RBFOX1: variants seen among roughly 807,000 people sequenced by gnomAD.
RBFOX1 encodes the protein RNA binding fox-1 homolog 1, also known as RNA binding protein fox-1 homolog 1.
In RBFOX1, 8 loss-of-function variants were observed where a neutral mutation model predicts 57.7. That is an observed-to-expected ratio of 0.14 (90% CI 0.08 to 0.25). The LOEUF (loss-of-function observed/expected upper bound fraction) is 0.25. Ranked by LOEUF, RBFOX1 falls within the 10% of genes least tolerant of loss-of-function variation. The pLI, the probability that RBFOX1 is intolerant of heterozygous loss-of-function variation, is 1.00. For missense variants in RBFOX1, 611 were observed against 548.5 expected (o/e 1.11, Z -1.14); for synonymous variants, 326 against 222.4 (o/e 1.47, Z -4.15).
chr16:7,159,222 A>G (rs998540743), intron 4 of RBFOX1, among the ~76,000 whole-genome samples: 3 of 152,206 alleles, frequency 2.0e-5, no homozygotes, highest in South Asian at 2.1e-4. Context: ...GCTGAGTAGT[A>G]TTCTATGGTG....
intron 14 of RBFOX1, among the ~76,000 whole-genome samples, chr16:7,683,539 A>C (rs574623553): frequency 5.9e-5 from 9 of 152,210 alleles, no homozygotes; most frequent in Non-Finnish European, 8.8e-5. Context: ...AGATTAAAGG[A>C]ATTTCCAAGC....
chr16:5,794,761 A>G (rs1567551293), intron 3 of RBFOX1, among the ~76,000 whole-genome samples: 1 of 152,204 alleles, frequency 6.6e-6, no homozygotes, highest in Non-Finnish European at 1.5e-5. Context: ...AAGTGACTGA[A>G]CATTAACATT....
At chr16:6,782,941 T>A (rs2081276256) in intron 3 of RBFOX1, among the ~76,000 whole-genome samples, 1 of 152,144 alleles carries the variant, frequency 6.6e-6, no homozygotes, top group South Asian at 2.1e-4. Flanking sequence ...TATTTACAGT[T>A]CTTATATCCT....
intron 3 of RBFOX1, among the ~76,000 whole-genome samples, chr16:6,809,318 C>T (rs911214341): frequency 8.5e-5 from 13 of 152,130 alleles, no homozygotes; most frequent in Admixed American, 5.2e-4. Flanking sequence ...TTTCTTTAAC[C>T]AGAGGGAAGA....
At chr16:6,246,298 T>G (rs369044884) in intron 1 of RBFOX1, among the ~76,000 whole-genome samples, 7 of 152,158 alleles carry the variant, frequency 4.6e-5, no homozygotes, top group African/African-American at 1.4e-4. Context: ...CAGCTCTTAG[T>G]GGGCTATAGT....
chr16:5,774,395 T>C (rs759538341), intron 3 of RBFOX1, among the ~76,000 whole-genome samples: 1 of 152,248 alleles, frequency 6.6e-6, no homozygotes, highest in Non-Finnish European at 1.5e-5. Flanking sequence ...TAGTTTCACG[T>C]AGATGATTTT....
At chr16:7,089,566 T>G (rs943547310) in intron 4 of RBFOX1, among the ~76,000 whole-genome samples, 2 of 152,086 alleles carry the variant, frequency 1.3e-5, no homozygotes, top group Non-Finnish European at 2.9e-5. Flanking sequence ...GTGAGTTGGT[T>G]GCTAGTCACA....
chr16:6,649,809 A>G (rs992739589), intron 2 of RBFOX1, among the ~76,000 whole-genome samples: 1 of 152,138 alleles, frequency 6.6e-6, no homozygotes, highest in African/African-American at 2.4e-5. Context: ...ATATGCATGT[A>G]TATTGGGTAA....
chr16:5,413,645 C>G (rs1038860927), intron 1 of RBFOX1, among the ~76,000 whole-genome samples: 1 of 152,198 alleles, frequency 6.6e-6, no homozygotes, highest in Non-Finnish European at 1.5e-5. Flanking sequence ...ACTCTCATTA[C>G]TGAGGACTTG....
chr16:5,315,240 C>T (rs983457324), intron 1 of RBFOX1, among the ~76,000 whole-genome samples: 1 of 152,168 alleles, frequency 6.6e-6, no homozygotes, highest in African/African-American at 2.4e-5. Flanking sequence ...GGCCCATCTG[C>T]TGTGGGACGG....
chr16:6,883,962 C>T lies in RBFOX1; in HGVS notation c.-15-168095C>T, dbSNP rs145877639. 5.5e-3 allele frequency among the ~76,000 whole-genome samples: 834 copies of T among 152,182 alleles called. 16 individuals carry two copies. The highest frequency in any genetic ancestry group is 0.019 in the African/African-American group (798 of 41,516). On this transcript the variant is annotated intron_variant, in intron 3 of 15. Coordinates refer to ENST00000550418, the MANE Select transcript of RBFOX1 (RefSeq NM_018723.4). Reference sequence around the variant, plus strand: ...CGTTGCTACTTGCCACGGTCCAAAGCGCAGAGGAGATGGGGAGATTGTGAA... The same window carrying T: ...CGTTGCTACTTGCCACGGTCCAAAGTGCAGAGGAGATGGGGAGATTGTGAA...
intron 3 of RBFOX1, among the ~76,000 whole-genome samples, chr16:6,675,067 A>G (rs1415905002): frequency 6.6e-6 from 1 of 151,816 alleles, no homozygotes; most frequent in African/African-American, 2.4e-5. Context: ...CACCACACCC[A>G]CTAATTTTTG....
chr16:6,170,540 A>G (rs796071151), intron 1 of RBFOX1, among the ~76,000 whole-genome samples: 4 of 152,336 alleles, frequency 2.6e-5, no homozygotes, highest in African/African-American at 9.6e-5. Flanking sequence ...AAATAAAAAT[A>G]AAATAAATGT....
At chr16:7,187,128 C>T (rs1011473152) in intron 4 of RBFOX1, among the ~76,000 whole-genome samples, 1 of 151,668 alleles carries the variant, frequency 6.6e-6, no homozygotes, top group Admixed American at 6.6e-5. Context: ...ATGATGGTGC[C>T]ACTGCACTCC....
chr16:5,468,062 A>G (rs983724079), intron 2 of RBFOX1, among the ~76,000 whole-genome samples: 1 of 152,162 alleles, frequency 6.6e-6, no homozygotes, highest in African/African-American at 2.4e-5. Flanking sequence ...TGATTAGGGC[A>G]TGCTCTGTGC....
At chr16:7,003,854 TG>T (rs1444218931) in intron 3 of RBFOX1, among the ~76,000 whole-genome samples, 1 of 152,194 alleles carries the variant, frequency 6.6e-6, no homozygotes, top group East Asian at 1.9e-4. Flanking sequence ...GACTCACTAA[TG>T]GTTTTCAGAT....
At chr16:6,246,677 G>A (rs1456310554) in intron 1 of RBFOX1, among the ~76,000 whole-genome samples, 4 of 152,192 alleles carry the variant, frequency 2.6e-5, no homozygotes, top group African/African-American at 9.6e-5. Context: ...CATCTATGGA[G>A]GCAAGTGTCA....
At chr16:6,622,056 T>A (rs1367582926) in intron 2 of RBFOX1, among the ~76,000 whole-genome samples, 1 of 152,142 alleles carries the variant, frequency 6.6e-6, no homozygotes, top group Non-Finnish European at 1.5e-5. Flanking sequence ...TTGGTTTGAG[T>A]TGGTGTTTAT....
intron 3 of RBFOX1, among the ~76,000 whole-genome samples, chr16:6,782,799 T>A (rs575843594): frequency 6.6e-6 from 1 of 152,306 alleles, no homozygotes; most frequent in Non-Finnish European, 1.5e-5. Flanking sequence ...CTTTCTAGGT[T>A]TTTTGTCCAA....
Sources: gnomAD v4.1 joint callset for allele counts (sites outside exome capture counted in the v4.1 genomes callset) on GRCh38, gnomAD v4.1.1 for gene constraint, MANE v1.5 for transcripts, NCBI Gene and HGNC (gene_info 2026-07-23, HGNC 2026-07-21) for gene names.